Variants in PCDH15 observed in about 807,000 individuals in gnomAD.
PCDH15 encodes the protein protocadherin related 15.
Under a neutral mutation model 178.5 loss-of-function variants are expected in PCDH15, and 129 were observed. The ratio of observed to expected loss-of-function variants is 0.72; its 90% CI spans 0.63 to 0.84. PCDH15 has a LOEUF of 0.84. Ranked by LOEUF, PCDH15 falls within the 40% of genes least tolerant of loss-of-function variation. The probability of loss-of-function intolerance (pLI) is 0.00; values close to 1 mark genes in which losing one functional copy is unlikely to be tolerated. For missense variants in PCDH15, 2,230 were observed against 2,099.9 expected (o/e 1.06, Z -1.21); for synonymous variants, 800 against 732.0 (o/e 1.09, Z -1.50).
chr10:54,838,285 A>T (rs1953355709), intron 3 of PCDH15, among the ~76,000 whole-genome samples: 1 of 152,112 alleles, frequency 6.6e-6, no homozygotes, highest in Non-Finnish European at 1.5e-5. Flanking sequence ...GATGGAGATA[A>T]TTGAATCATG....
intron 1 of PCDH15, among the ~76,000 whole-genome samples, chr10:54,796,268 A>ATCTATCTG (rs1554796123): frequency 0.11 from 13,587 of 120,834 alleles, 678 homozygotes; most frequent in African/African-American, 0.13. Context: ...CTATCTATCT[A>ATCTATCTG]TCTATGTATC....
intron 2 of PCDH15, among the ~76,000 whole-genome samples, chr10:55,382,204 AT>A (rs1184478656): frequency 4.6e-5 from 7 of 151,970 alleles, no homozygotes; most frequent in Non-Finnish European, 8.8e-5. Flanking sequence ...TTACTTTATT[AT>A]TTTTTTAATT....
chr10:54,739,130 G>A (rs1014525803), intron 1 of PCDH15, among the ~76,000 whole-genome samples: 8 of 151,886 alleles, frequency 5.3e-5, no homozygotes, highest in Non-Finnish European at 1.2e-4. Context: ...CTTTTTTGCA[G>A]ATGATATGAT....
intron 2 of PCDH15, among the ~76,000 whole-genome samples, chr10:54,537,614 T>G (rs574584642): frequency 6.6e-6 from 1 of 152,206 alleles, no homozygotes; most frequent in Non-Finnish European, 1.5e-5. Context: ...CAAGATTGGT[T>G]CAATGTATGC....
intron 1 of PCDH15, among the ~76,000 whole-genome samples, chr10:54,702,836 ACTC>A: frequency 6.6e-6 from 1 of 151,834 alleles, no homozygotes. Context: ...AGAAGGAGCA[ACTC>A]CTCCTCACTG....
At chr10:54,707,503 A>C (rs2095377283) in intron 1 of PCDH15, among the ~76,000 whole-genome samples, 1 of 152,214 alleles carries the variant, frequency 6.6e-6, no homozygotes, top group Admixed American at 6.6e-5. Context: ...AGAAGTTACA[A>C]AAATAACAAA....
chr10:55,209,064 A>G (rs1318766885), intron 1 of PCDH15, among the ~76,000 whole-genome samples: 1 of 152,134 alleles, frequency 6.6e-6, no homozygotes, highest in Non-Finnish European at 1.5e-5. Flanking sequence ...TGACATTTGA[A>G]CTGAGATAGA....
intron 3 of PCDH15, among the ~76,000 whole-genome samples, chr10:54,830,280 C>T (rs1009102400): frequency 6.6e-6 from 1 of 152,090 alleles, no homozygotes; most frequent in African/African-American, 2.4e-5. Flanking sequence ...AAGACACATG[C>T]ACACGTATGT....
chr10:55,539,427 A>G (rs1841706722), intron 2 of PCDH15, among the ~76,000 whole-genome samples: 1 of 151,988 alleles, frequency 6.6e-6, no homozygotes, highest in Non-Finnish European at 1.5e-5. Flanking sequence ...CTCATATTTT[A>G]GTTCAAAATA....
intron 35 of PCDH15, among the ~76,000 whole-genome samples, chr10:53,813,676 A>G (rs535576372): frequency 9.8e-5 from 15 of 152,352 alleles, no homozygotes; most frequent in African/African-American, 3.4e-4. Context: ...CAAATTGGAA[A>G]CAATGCAAAA....
chr10:55,130,475 G>A (rs1332524597), intron 2 of PCDH15, among the ~76,000 whole-genome samples: 4 of 152,178 alleles, frequency 2.6e-5, no homozygotes, highest in Non-Finnish European at 4.4e-5. Flanking sequence ...TCACTTAGTA[G>A]TTTAGAACAC....
intron 2 of PCDH15, among the ~76,000 whole-genome samples, chr10:55,570,944 A>T (rs372695373): frequency 1.0e-3 from 156 of 152,202 alleles, no homozygotes; most frequent in African/African-American, 3.5e-3. Context: ...TTTTAAGGCC[A>T]CTATCATAAA....
chr10:55,421,641 C>A (rs1373888429), intron 2 of PCDH15, among the ~76,000 whole-genome samples: 30 of 151,048 alleles, frequency 2.0e-4, no homozygotes, highest in Admixed American at 1.9e-3. Context: ...TAATGAACAT[C>A]ATTTTATTAA....
intron 2 of PCDH15, among the ~76,000 whole-genome samples, chr10:55,332,727 A>G (rs1844236478): frequency 6.6e-6 from 1 of 152,158 alleles, no homozygotes; most frequent in Non-Finnish European, 1.5e-5. Flanking sequence ...ATAAGTGTCA[A>G]AAGATCTGAT....
chr10:54,486,739 C>A (rs1375722569), intron 3 of PCDH15, among the ~76,000 whole-genome samples: 2 of 151,942 alleles, frequency 1.3e-5, no homozygotes, highest in African/African-American at 2.4e-5. Flanking sequence ...GATGTTAGGA[C>A]TGAGTTCTAA....
rs369823598 is a variant in PCDH15, at chr10:55,251,735, AT to A, written c.-156+67863del. Among the ~76,000 whole-genome samples, 665 of 152,198 alleles carry A rather than the reference AT, an allele frequency of 4.4e-3. 5 individuals carry two copies. The highest frequency in any genetic ancestry group is 7.3e-3 in the Non-Finnish European group (494 of 67,976). ...AATTGTTAAAATTTAACTCTGATTA[AT>A]TTTTTTTAAAAAGTTATTTTTGTCA... On this transcript the variant is annotated intron_variant, in intron 1 of 5. Transcript: ENST00000458638.
chr10:55,529,570 T>C (rs1360904182), intron 2 of PCDH15, among the ~76,000 whole-genome samples: 3 of 151,602 alleles, frequency 2.0e-5, no homozygotes, highest in Non-Finnish European at 2.9e-5. Flanking sequence ...ATGTGAGAGA[T>C]ACAAGATGCA....
At chr10:55,150,552 T>G (rs1453679332) in intron 2 of PCDH15, among the ~76,000 whole-genome samples, 1 of 152,116 alleles carries the variant, frequency 6.6e-6, no homozygotes, top group Non-Finnish European at 1.5e-5. Flanking sequence ...TTGCACATAC[T>G]AAAACTATAA....
intron 2 of PCDH15, among the ~76,000 whole-genome samples, chr10:55,122,308 G>A (rs1264146276): frequency 2.6e-5 from 4 of 152,274 alleles, no homozygotes; most frequent in African/African-American, 9.6e-5. Flanking sequence ...TGAAAGATAA[G>A]TGTAAGGAAG....
Sources: gnomAD v4.1 joint callset for allele counts (sites outside exome capture counted in the v4.1 genomes callset) on GRCh38, gnomAD v4.1.1 for gene constraint, MANE v1.5 for transcripts, NCBI Gene and HGNC (gene_info 2026-07-23, HGNC 2026-07-21) for gene names.